Variants in LHPP observed in about 807,000 individuals in gnomAD.
LHPP encodes hLHPP.
A neutral mutation model predicts 30.3 loss-of-function variants in LHPP; 24 were observed. The observed-to-expected ratio is 0.79, with a 90% CI of 0.57 to 1.11. LHPP has a LOEUF of 1.11. LHPP is among the 50% of genes most tolerant of loss of function. LHPP has a pLI of 0.00. For missense variants in LHPP, 356 were observed against 367.2 expected (o/e 0.97, Z 0.25); for synonymous variants, 150 against 157.1 (o/e 0.95, Z 0.34).
chr10:124,594,628 CTT>C (rs60757373), intron 6 of LHPP, among the ~76,000 whole-genome samples: 3 of 143,708 alleles, frequency 2.1e-5, no homozygotes, highest in African/African-American at 2.6e-5. Flanking sequence ...ATTCAGTAAA[CTT>C]TTTTTTTTTT....
intron 1 of LHPP, among the ~76,000 whole-genome samples, chr10:124,467,783 T>A (rs1005689491): frequency 6.6e-6 from 1 of 151,900 alleles, no homozygotes; most frequent in African/African-American, 2.4e-5. Flanking sequence ...TGGTATGATC[T>A]CGGCTCACTG....
chr10:124,568,895 C>A (rs911601055), intron 6 of LHPP, among the ~76,000 whole-genome samples: 2 of 152,134 alleles, frequency 1.3e-5, no homozygotes, highest in Admixed American at 6.5e-5. Context: ...CACTTGGAGG[C>A]CCCCCTAGGT....
intron 1 of LHPP, among the ~76,000 whole-genome samples, chr10:124,475,907 C>A (rs760695767): frequency 2.0e-5 from 3 of 152,184 alleles, no homozygotes; most frequent in Non-Finnish European, 4.4e-5. Context: ...GACACTCGGG[C>A]TGTGTGGTCT....
At chr10:124,507,887 T>C (rs1954189927) in intron 5 of LHPP, among the ~76,000 whole-genome samples, 1 of 104,138 alleles carries the variant, frequency 9.6e-6, no homozygotes, top group Non-Finnish European at 1.9e-5. Context: ...TAGGCAGGAT[T>C]TCAGGTCGGG....
At chr10:124,498,157 G>GGGGTGGCAGCCCCGTCA in intron 5 of LHPP, 29 bp downstream of exon 5, 1 of 1,384,578 alleles carries the variant, frequency 7.2e-7, no homozygotes, top group East Asian at 2.5e-5. Context: ...AAGTGGGTCA[G>GGGGTGGCAGCCCCGTCA]GGGAGGCAGC....
chr10:124,503,445 C>T (rs1205118443), intron 5 of LHPP, among the ~76,000 whole-genome samples: 1 of 152,022 alleles, frequency 6.6e-6, no homozygotes, highest in African/African-American at 2.4e-5. Flanking sequence ...TCGGACACCC[C>T]TGCTCTAGAG....
At chr10:124,477,217 T>C (rs1188276969) in intron 1 of LHPP, among the ~76,000 whole-genome samples, 1 of 152,108 alleles carries the variant, frequency 6.6e-6, no homozygotes, top group Admixed American at 6.5e-5. Flanking sequence ...CAAAAACATT[T>C]CATGCCAGTG....
In LHPP at chr10:124,517,496, G is replaced by A; in HGVS notation, c.716+225G>A. 2.9e-6 allele frequency: 1 copy of A among 342,366 alleles called. No individual in the cohort carries two copies. 21.2% of individuals were successfully genotyped at this position (342,366 alleles called of 1,614,324 possible). A position where few individuals can be genotyped will look rare whatever the true frequency, so the allele number is the denominator to read the frequency against. ...GCTTTTGATACAGGGTCTGGGTTTT[G>A]GAATGGCGTGCAGTGCAGAGAGAAA... On this transcript the variant is annotated intron_variant, in intron 6 of 6. Transcript: ENST00000368842. This position sits in a 1 kb window ranked among gnomAD's most constrained non-coding sequence, Gnocchi z 4.1.
chr10:124,552,627 G>A (rs544125702), intron 6 of LHPP, among the ~76,000 whole-genome samples: 83 of 152,288 alleles, frequency 5.5e-4, no homozygotes, highest in African/African-American at 2.0e-3. Flanking sequence ...GCTGGGGCCT[G>A]CCAGCCCCCG....
chr10:124,511,255 A>G (rs1010183945), intron 5 of LHPP, among the ~76,000 whole-genome samples: 4 of 152,210 alleles, frequency 2.6e-5, no homozygotes, highest in African/African-American at 4.8e-5. Context: ...ACTACTATAA[A>G]TGGAAAACCA....
intron 3 of LHPP, chr10:124,489,810 A>G: frequency 4.9e-6 from 1 of 204,518 alleles, no homozygotes; most frequent in Non-Finnish European, 9.8e-6. Flanking sequence ...ATGCAAAATA[A>G]CCCTCACCAG....
chr10:124,553,481 C>T (rs1324185310), intron 6 of LHPP, among the ~76,000 whole-genome samples: 3 of 93,890 alleles, frequency 3.2e-5, no homozygotes, highest in African/African-American at 1.2e-4. Flanking sequence ...TTTTTTGAGA[C>T]GGAGTCTCGC....
chr10:124,573,113 A>G (rs1013636351), intron 6 of LHPP, among the ~76,000 whole-genome samples: 1 of 152,242 alleles, frequency 6.6e-6, no homozygotes. Flanking sequence ...GTCACAGTGA[A>G]CATTCTTTTA....
At chr10:124,485,321 G>T (rs955728073) in intron 2 of LHPP, among the ~76,000 whole-genome samples, 1 of 152,074 alleles carries the variant, frequency 6.6e-6, no homozygotes, top group African/African-American at 2.4e-5. Context: ...CTGGACCCGG[G>T]AGTGGAGCTG....
chr10:124,473,038 C>CACCAAG lies in LHPP; in HGVS notation c.125+11051_125+11052insACCAAG, dbSNP rs1344325511. On this transcript the variant is annotated intron_variant, in intron 1 of 6. Coordinates refer to ENST00000368842, the MANE Select transcript of LHPP (RefSeq NM_022126.4). ...AGGAGTAAGGTCTGCTTCTCAGTTT[C>CACCAAG]TGATCTCAGCCTTGGTGGGCGGGGG... is the stretch of plus-strand genomic sequence containing the variant. 7.4e-3 allele frequency among the ~76,000 whole-genome samples: 1,122 copies of CACCAAG among 152,306 alleles called. 11 individuals are homozygous for CACCAAG. Among genetic ancestry groups the CACCAAG allele is most frequent in the African/African-American group, 0.024 (1,017 of 41,552 alleles).
In LHPP at chr10:124,547,777, G is replaced by A. The variant is rs190857094; in HGVS notation, c.716+30506G>A. ...GCGTCCTGGGCCCTGGCAGGATGTC[G>A]TTCCAGTGATACAGCACTTCCTTGC... On this transcript the variant is annotated intron_variant, in intron 6 of 6. Transcript: ENST00000368842. Among the ~76,000 whole-genome samples the A allele has an allele frequency of 4.6e-4, 70 of 152,362 alleles. No individual in the cohort carries two copies. In the East Asian group the frequency reaches 9.3e-3, roughly 20 times the overall value.
rs913612878 is a variant in LHPP, at chr10:124,523,363, G to A, written c.716+6092G>A. 1.3e-5 allele frequency among the ~76,000 whole-genome samples: 2 copies of A among 152,206 alleles called. No homozygotes were observed. Among genetic ancestry groups the A allele is most frequent in the African/African-American group, 4.8e-5 (2 of 41,450 alleles). On this transcript the variant is annotated intron_variant, in intron 6 of 6. Transcript: ENST00000368842. The surrounding 1 kb of genome is among the most constrained non-coding windows in gnomAD (Gnocchi z 4.2). Reference sequence around the variant, plus strand: ...GCCGCCTTGCACAAAGCTGGAAGACGAGGGGCTGCAGGGTGCATGGCTGTG... The same window carrying A: ...GCCGCCTTGCACAAAGCTGGAAGACAAGGGGCTGCAGGGTGCATGGCTGTG...
At chr10:124,540,088 A>G (rs1291223533) in intron 6 of LHPP, among the ~76,000 whole-genome samples, 1 of 152,124 alleles carries the variant, frequency 6.6e-6, no homozygotes, top group Non-Finnish European at 1.5e-5. Flanking sequence ...GGGTCCCCAG[A>G]TAACCGTGGG....
intron 1 of LHPP, among the ~76,000 whole-genome samples, chr10:124,474,770 C>T (rs1952890305): frequency 6.6e-6 from 1 of 152,198 alleles, no homozygotes; most frequent in Admixed American, 6.5e-5. Flanking sequence ...AGCCAGTCAC[C>T]GGGCGCTGCT....
Sources: allele counts gnomAD v4.1 joint callset (sites outside exome capture counted in the v4.1 genomes callset), GRCh38; gene constraint gnomAD v4.1.1; non-coding constraint Gnocchi (gnomAD v3.1); transcripts MANE v1.5; gene names NCBI Gene and HGNC (gene_info 2026-07-23, HGNC 2026-07-21).